Variants in TMCC1 observed in about 807,000 individuals in gnomAD.
TMCC1 encodes transmembrane and coiled-coil domains protein 1.
TMCC1 carries 15 observed loss-of-function variants against 52.4 expected under a neutral mutation model. The observed-to-expected ratio is 0.29, with a 90% confidence interval of 0.19 to 0.44. The LOEUF (loss-of-function observed/expected upper bound fraction) is 0.44, where lower values mean the gene tolerates loss of function less well. Ranked by LOEUF, TMCC1 falls within the 20% of genes least tolerant of loss-of-function variation. The probability of loss-of-function intolerance (pLI) is 1.00; values close to 1 mark genes in which losing one functional copy is unlikely to be tolerated. For synonymous variants in TMCC1, 279 were observed against 301.9 expected (o/e 0.92, Z 0.79); for missense variants, 503 against 806.0 (o/e 0.62, Z 4.55).
intron 1 of TMCC1, among the ~76,000 whole-genome samples, chr3:129,882,462 TA>T (rs2061503374): frequency 1.3e-5 from 2 of 152,138 alleles, no homozygotes; most frequent in African/African-American, 2.4e-5. Context: ...ATGGAAGTCC[TA>T]AAAAAATGAA....
intron 4 of TMCC1, among the ~76,000 whole-genome samples, chr3:129,779,031 C>G (rs895935398): frequency 6.6e-6 from 1 of 151,904 alleles, no homozygotes; most frequent in African/African-American, 2.4e-5. Context: ...CCCAGAACCT[C>G]ACATCAAACA....
At chr3:129,799,581 C>T (rs368071181) in intron 4 of TMCC1, among the ~76,000 whole-genome samples, 14 of 152,144 alleles carry the variant, frequency 9.2e-5, no homozygotes, top group African/African-American at 3.4e-4. Flanking sequence ...GAGGCCGAGG[C>T]GGGTGGATCA....
Position 129,670,943 on chromosome 3 carries a change from C to G in TMCC1, c.898G>C (p.Glu300Gln). ...QTILQLQKKL[E>Q]HYHRKLREVE... ...TCTCTGAGCTTCCTGTGGTAGTGCTCAAGTTTCTTTTGCAGCTGGAGGATA... is the reference window on the plus strand; with the variant it reads ...TCTCTGAGCTTCCTGTGGTAGTGCTGAAGTTTCTTTTGCAGCTGGAGGATA... Residue 300 changes from glutamate (E) to glutamine (Q), a missense_variant, in exon 5 of 7, where the codon GAG (glutamate) becomes CAG (glutamine). Transcript: ENST00000393238. The G allele has an allele frequency of 6.2e-7, 1 of 1,614,200 alleles. No individual in the cohort carries two copies. Among genetic ancestry groups the G allele is most frequent in the Non-Finnish European group, 8.5e-7 (1 of 1,180,040 alleles).
Position 129,647,968 on chromosome 3 carries a change from C to T in TMCC1, c.*3513G>A, listed in dbSNP as rs1313036393. 2 of 152,654 alleles carry T rather than the reference C, an allele frequency of 1.3e-5. No individual in the cohort carries two copies. Among genetic ancestry groups the T allele is most frequent in the Admixed American group, 6.5e-5 (1 of 15,288 alleles). The allele number at this position is 152,654 out of a possible 1,614,324, so 9.5% of individuals were successfully genotyped here. A position where few individuals can be genotyped will look rare whatever the true frequency, so the allele number is the denominator to read the frequency against. On this transcript the variant is annotated 3_prime_UTR_variant, in exon 7 of 7. Transcript: ENST00000393238. The stretch of plus-strand genomic sequence containing the variant: ...AGTGTCATTTCTTTACGTTTCAATT[C>T]GTGCAAGTGAGTTTTTATTCTTACA...
intron 5 of TMCC1, among the ~76,000 whole-genome samples, chr3:129,663,694 T>C (rs1464267121): frequency 6.6e-6 from 1 of 152,134 alleles, no homozygotes; most frequent in Non-Finnish European, 1.5e-5. Context: ...ATCTAAATAA[T>C]ACAGGAAATA....
intron 4 of TMCC1, among the ~76,000 whole-genome samples, chr3:129,735,534 A>T (rs1182925166): frequency 6.6e-6 from 1 of 151,582 alleles, no homozygotes; most frequent in Non-Finnish European, 1.5e-5. Flanking sequence ...CTGTAGTCCT[A>T]GCTACTTGGG....
chr3:129,878,202 GA>G (rs2061312968), intron 2 of TMCC1, among the ~76,000 whole-genome samples: 1 of 151,842 alleles, frequency 6.6e-6, no homozygotes, highest in Non-Finnish European at 1.5e-5. Context: ...GACCTCAGGT[GA>G]TCTGCCCGCC....
At chr3:129,881,943 A>G (rs1286825091) in intron 1 of TMCC1, among the ~76,000 whole-genome samples, 2 of 152,224 alleles carry the variant, frequency 1.3e-5, no homozygotes, top group African/African-American at 4.8e-5. Flanking sequence ...GAGAAATAAT[A>G]GCCAAAGATG....
Position 129,674,705 on chromosome 3 carries a change from G to C in TMCC1, c.577-3441C>G, listed in dbSNP as rs137954869. Among the ~76,000 whole-genome samples the C allele has an allele frequency of 6.2e-4, 94 of 152,332 alleles. 1 individual carries two copies. In the East Asian group the frequency reaches 0.018, roughly 28 times the overall value. On this transcript the variant is annotated intron_variant, in intron 4 of 6. Coordinates refer to ENST00000393238, the MANE Select transcript of TMCC1 (RefSeq NM_001017395.5). ...AGTTAGGAACAAAGTCCTTAAAGGG[G>C]AATTCCATGCTCTAGGCATTAATAC... is the stretch of plus-strand genomic sequence containing the variant.
chr3:129,673,848 T>C (rs1227720239), intron 4 of TMCC1, among the ~76,000 whole-genome samples: 8 of 151,746 alleles, frequency 5.3e-5, no homozygotes, highest in Admixed American at 4.6e-4. Flanking sequence ...AAAAAATCTC[T>C]ACACTAAACT....
chr3:129,797,525 T>C (rs2056915561), intron 4 of TMCC1, among the ~76,000 whole-genome samples: 1 of 152,058 alleles, frequency 6.6e-6, no homozygotes, highest in South Asian at 2.1e-4. Context: ...GCAGATTGCT[T>C]GAGCTCAGAA....
At chr3:129,839,190 T>C (rs1295290517) in intron 2 of TMCC1, among the ~76,000 whole-genome samples, 6 of 152,110 alleles carry the variant, frequency 3.9e-5, no homozygotes, top group Admixed American at 1.3e-4. Flanking sequence ...TAAAAGATAA[T>C]TGCTTAAAGC....
intron 4 of TMCC1, among the ~76,000 whole-genome samples, chr3:129,797,738 G>A (rs558350717): frequency 1.3e-5 from 2 of 152,212 alleles, no homozygotes; most frequent in Admixed American, 1.3e-4. Context: ...GAGAGACCCT[G>A]TCTCAAAACA....
At chr3:129,821,218 G>GTGTAGA (rs758867246) in intron 4 of TMCC1, among the ~76,000 whole-genome samples, 136 of 152,304 alleles carry the variant, frequency 8.9e-4, no homozygotes, top group Non-Finnish European at 1.8e-3. Flanking sequence ...TGCTGTAGAT[G>GTGTAGA]TGTAGATGTA....
At chr3:129,857,112 G>A (rs1274204252) in intron 2 of TMCC1, 4 of 152,120 alleles carry the variant, frequency 2.6e-5, no homozygotes, top group Non-Finnish European at 5.9e-5. Context: ...AGTAGAGGGG[G>A]GATTTCACTA....
At chr3:129,851,566 A>T (rs1364351746) in intron 2 of TMCC1, among the ~76,000 whole-genome samples, 2 of 152,252 alleles carry the variant, frequency 1.3e-5, no homozygotes, top group African/African-American at 4.8e-5. Flanking sequence ...TAGGACGGCT[A>T]CTATCAGGAA....
At chr3:129,724,290 C>T (rs1156437921) in intron 4 of TMCC1, among the ~76,000 whole-genome samples, 1 of 152,146 alleles carries the variant, frequency 6.6e-6, no homozygotes, top group Non-Finnish European at 1.5e-5. Flanking sequence ...CTTTGAATCC[C>T]AAACACAGGC....
chr3:129,663,229 G>A (rs1576357236), intron 5 of TMCC1, among the ~76,000 whole-genome samples: 1 of 152,122 alleles, frequency 6.6e-6, no homozygotes, highest in African/African-American at 2.4e-5. Flanking sequence ...TCAAAAGTTT[G>A]GAGCCATCTC....
In TMCC1 at chr3:129,709,497, A is replaced by AAAAGAGAGAG. The variant is rs554837910; in HGVS notation, c.577-38234_577-38233insCTCTCTCTTT. 2.0e-3 allele frequency among the ~76,000 whole-genome samples: 129 copies of AAAAGAGAGAG among 64,068 alleles called. 2 individuals carry two copies. The highest frequency in any genetic ancestry group is 8.5e-3 in the East Asian group (15 of 1,762). The allele number at this position is 64,068 out of a possible 152,430, so 42.0% of individuals were successfully genotyped here. Reference sequence around the variant, plus strand: ...CTCAAAAAAAAAAAAAAAAAAAAAAAAGAGAGAGAGAGAGAAACTTTAAAT... The same window carrying AAAAGAGAGAG: ...CTCAAAAAAAAAAAAAAAAAAAAAAAAAAGAGAGAGAGAGAGAGAGAGAGAAACTTTAAAT... On this transcript the variant is annotated intron_variant, in intron 4 of 6. Coordinates refer to ENST00000393238, the MANE Select transcript of TMCC1 (RefSeq NM_001017395.5).
Sources: gnomAD v4.1 joint callset for allele counts (sites outside exome capture counted in the v4.1 genomes callset) on GRCh38, gnomAD v4.1.1 for gene constraint, MANE v1.5 for transcripts, NCBI Gene and HGNC (gene_info 2026-07-23, HGNC 2026-07-21) for gene names.